The following INPP4B variants were observed in gnomAD, a reference collection of about 807,000 sequenced individuals.
INPP4B encodes inositol polyphosphate-4-phosphatase type II B.
In INPP4B, 55 loss-of-function variants were observed where a neutral mutation model predicts 122.5. That is an observed-to-expected ratio of 0.45 (90% confidence interval 0.36 to 0.56). The LOEUF (loss-of-function observed/expected upper bound fraction) is 0.56. Ranked by LOEUF, INPP4B falls within the 20% of genes least tolerant of loss-of-function variation. The pLI, the probability that INPP4B is intolerant of heterozygous loss-of-function variation, is 0.00. For missense variants in INPP4B, 1,000 were observed against 1,097.7 expected (o/e 0.91, Z 1.26); for synonymous variants, 403 against 388.7 (o/e 1.04, Z -0.43).
chr4:142,580,013 C>A (rs939701720), intron 2 of INPP4B, among the ~76,000 whole-genome samples: 3 of 151,296 alleles, frequency 2.0e-5, no homozygotes, highest in Non-Finnish European at 4.4e-5. Context: ...AGGGAAGATA[C>A]GCAGACTTCG....
chr4:142,214,118 T>C (rs1318766614), intron 12 of INPP4B, among the ~76,000 whole-genome samples: 4 of 152,204 alleles, frequency 2.6e-5, no homozygotes, highest in African/African-American at 9.6e-5. Flanking sequence ...AAGTTCTCAA[T>C]GGGCAGCTCT....
At chr4:142,471,449 A>G (rs921687695) in intron 2 of INPP4B, among the ~76,000 whole-genome samples, 8 of 152,210 alleles carry the variant, frequency 5.3e-5, no homozygotes, top group Admixed American at 6.5e-5. Flanking sequence ...ATCCCACCTT[A>G]CAAGTTCACA....
chr4:142,670,293 A>G (rs1218509572), intron 2 of INPP4B, among the ~76,000 whole-genome samples: 4 of 152,170 alleles, frequency 2.6e-5, no homozygotes, highest in African/African-American at 9.7e-5. Flanking sequence ...ACTTTTGGTT[A>G]TATATGCAAA....
At chr4:142,440,412 G>A (rs1047246417) in intron 3 of INPP4B, among the ~76,000 whole-genome samples, 7 of 152,270 alleles carry the variant, frequency 4.6e-5, no homozygotes, top group African/African-American at 1.7e-4. Flanking sequence ...CTAGGCCAAC[G>A]GAGCAGCAGG....
At chr4:142,244,177 CT>C (rs1646959044) in intron 11 of INPP4B, among the ~76,000 whole-genome samples, 2 of 151,518 alleles carry the variant, frequency 1.3e-5, no homozygotes, top group Admixed American at 1.3e-4. Context: ...TTTTCCGTCC[CT>C]GTGTTAGTTT....
intron 9 of INPP4B, among the ~76,000 whole-genome samples, chr4:142,275,667 A>G (rs1748038167): frequency 1.3e-5 from 2 of 151,838 alleles, no homozygotes; most frequent in African/African-American, 4.8e-5. Context: ...ACACACCTCT[A>G]TTCTGGCTGA....
At chr4:142,166,369 C>T (rs1191596534) in intron 16 of INPP4B, among the ~76,000 whole-genome samples, 1 of 151,754 alleles carries the variant, frequency 6.6e-6, no homozygotes, top group African/African-American at 2.4e-5. Flanking sequence ...ACCTTCCTTA[C>T]ACCTTTTACA....
chr4:142,595,597 A>G (rs540126880), intron 2 of INPP4B, among the ~76,000 whole-genome samples: 1 of 152,228 alleles, frequency 6.6e-6, no homozygotes, highest in South Asian at 2.1e-4. Flanking sequence ...AGAGAGTACT[A>G]TTTTTTATTT....
At chr4:142,420,883 C>A (rs1015885291) in intron 5 of INPP4B, among the ~76,000 whole-genome samples, 2 of 152,102 alleles carry the variant, frequency 1.3e-5, no homozygotes. Context: ...ACTCCCTGCT[C>A]AAGGAAGTTT....
chr4:142,627,794 T>C (rs1232471650), intron 2 of INPP4B, among the ~76,000 whole-genome samples: 1 of 152,204 alleles, frequency 6.6e-6, no homozygotes, highest in African/African-American at 2.4e-5. Flanking sequence ...ATTCCCTCTT[T>C]TTCTATTGAT....
At chr4:142,634,957 T>C (rs917541027) in intron 2 of INPP4B, among the ~76,000 whole-genome samples, 6 of 152,084 alleles carry the variant, frequency 3.9e-5, no homozygotes, top group Non-Finnish European at 8.8e-5. Flanking sequence ...AGTTATGTTA[T>C]GCATCTGACG....
intron 12 of INPP4B, among the ~76,000 whole-genome samples, chr4:142,212,066 T>G (rs1292098498): frequency 6.6e-6 from 1 of 152,058 alleles, no homozygotes; most frequent in Non-Finnish European, 1.5e-5. Context: ...GGATTAGGAT[T>G]TAGCCAATGT....
At chr4:142,082,241 C>A in intron 24 of INPP4B, 56 bp from the exon 25 acceptor site, 1 of 1,396,060 alleles carries the variant, frequency 7.2e-7, no homozygotes, top group South Asian at 1.8e-5. Flanking sequence ...CGTAAAGTGT[C>A]GGCCTCCTCC....
At position 142,549,999 on chromosome 4, in the gene INPP4B, G is replaced by A. The variant is rs375849136; in HGVS notation, c.-190-87273C>T. Among the ~76,000 whole-genome samples, 6 of 152,308 alleles carry A rather than the reference G, an allele frequency of 3.9e-5. No homozygotes were observed. The East Asian group carries it at 7.7e-4, about 20-fold the overall frequency. ...GGCATTTTAAAAGCCAGGTGCATTT[G>A]AGCCTGTTCTAGCAGGTTGGTGAAT... On this transcript the variant is annotated intron_variant, in intron 2 of 25. Transcript: ENST00000262992.
chr4:142,806,318 CAT>C, intron 1 of INPP4B, among the ~76,000 whole-genome samples: 2 of 123,610 alleles, frequency 1.6e-5, no homozygotes, highest in Middle Eastern at 4.7e-3. Flanking sequence ...GAAAAAAGAA[CAT>C]ATAAATGCGT....
intron 2 of INPP4B, among the ~76,000 whole-genome samples, chr4:142,527,504 T>C (rs887916658): frequency 2.0e-5 from 3 of 152,088 alleles, no homozygotes; most frequent in African/African-American, 7.2e-5. Flanking sequence ...CAGTGAACAC[T>C]GAGGTGAAGC....
chr4:142,338,360 C>T (rs1235744507), intron 7 of INPP4B, among the ~76,000 whole-genome samples: 3 of 152,098 alleles, frequency 2.0e-5, no homozygotes, highest in Non-Finnish European at 1.5e-5. Flanking sequence ...CTCAGCCTCC[C>T]GAGTGGCTGG....
intron 7 of INPP4B, among the ~76,000 whole-genome samples, chr4:142,355,340 T>C (rs904180398): frequency 1.3e-5 from 2 of 152,096 alleles, no homozygotes; most frequent in African/African-American, 2.4e-5. Flanking sequence ...AATCAGGAAG[T>C]TGAATGAGAT....
Position 142,270,742 on chromosome 4 carries a change from A to C in INPP4B, c.536T>G (p.Ile179Arg). 1 of 1,613,882 alleles carries C rather than the reference A, an allele frequency of 6.2e-7. No individual in the cohort carries two copies. The highest frequency in any genetic ancestry group is 8.5e-7 in the Non-Finnish European group (1 of 1,179,868). ...TSDGGKVVGT[I>R]EVSVVKMGEI... is the part of the protein sequence containing the mutation. ...CCCCATCTTCACGACACTGACTTCT[A>C]TGGTGCCAACCACTTTGCCACCATC... Residue 179 changes from isoleucine (I) to arginine (R), a missense_variant, in exon 10 of 26, where the codon ATA becomes AGA. Coordinates refer to ENST00000262992, the MANE Select transcript of INPP4B (RefSeq NM_001101669.3).
Sources: allele counts gnomAD v4.1 joint callset (sites outside exome capture counted in the v4.1 genomes callset), GRCh38; gene constraint gnomAD v4.1.1; transcripts MANE v1.5; gene names NCBI Gene and HGNC (gene_info 2026-07-23, HGNC 2026-07-21).